NSRP1: variants seen among roughly 807,000 people sequenced by gnomAD.
NSRP1 encodes the protein coiled-coil domain containing 55.
In NSRP1, 24 loss-of-function variants were observed where a neutral mutation model predicts 54.7. The observed-to-expected ratio is 0.44, with a 90% CI of 0.32 to 0.62. The LOEUF is 0.62. Among genes scored for constraint, NSRP1 ranks in the 20% least tolerant of loss-of-function variants. The pLI, the probability that NSRP1 is intolerant of heterozygous loss-of-function variation, is 0.06. For missense variants in NSRP1, 596 were observed against 651.2 expected (o/e 0.92, Z 0.92); for synonymous variants, 210 against 213.8 (o/e 0.98, Z 0.15).
rs551535240 is a variant in NSRP1 at position 30,155,708 on chromosome 17, T to G, written c.115-16834T>G. ...CTACAGACGTACACCATCGTGTGGC[T>G]TTTTTCTTTTTTTAAGCATTTTACC... On this transcript the variant is annotated intron_variant, in intron 2 of 6. Coordinates refer to ENST00000247026, the MANE Select transcript of NSRP1 (RefSeq NM_032141.4). Among the ~76,000 whole-genome samples, 10 of 152,276 alleles carry G rather than the reference T, an allele frequency of 6.6e-5. 1 individual carries two copies. The South Asian group carries it at 2.1e-3, about 32-fold the overall frequency.
At chr17:30,141,109 C>T (rs879252780) in intron 2 of NSRP1, among the ~76,000 whole-genome samples, 1 of 152,222 alleles carries the variant, frequency 6.6e-6, no homozygotes, top group East Asian at 1.9e-4. Flanking sequence ...AGCCACCACA[C>T]CTGGCTAGAA....
At chr17:30,134,051 C>T (rs148684410) in intron 2 of NSRP1, among the ~76,000 whole-genome samples, 1 of 152,170 alleles carries the variant, frequency 6.6e-6, no homozygotes, top group African/African-American at 2.4e-5. Context: ...CTTTCTTTCA[C>T]TTGAACACTT....
Position 30,180,533 on chromosome 17 carries a change from C to T in NSRP1, c.509-375C>T, listed in dbSNP as rs549828688. Among the ~76,000 whole-genome samples, 13 of 152,248 alleles carry T rather than the reference C, an allele frequency of 8.5e-5. No homozygotes were observed. The East Asian group carries it at 1.9e-3, about 23-fold the overall frequency. ...TGTACTATGTGTTTAGAGTGCCAGT[C>T]GGCAAACTTTCTGTAAAGGACCAGA... On this transcript the variant is annotated intron_variant, in intron 5 of 6. Coordinates refer to ENST00000247026, the MANE Select transcript of NSRP1 (RefSeq NM_032141.4).
At chr17:30,126,140 A>AAGCAC (rs1482066761) in intron 2 of NSRP1, 3 of 152,136 alleles carry the variant, frequency 2.0e-5, no homozygotes, top group Non-Finnish European at 4.4e-5. Flanking sequence ...GATCTTCCTA[A>AAGCAC]AGCACAGTTA....
intron 2 of NSRP1, among the ~76,000 whole-genome samples, chr17:30,151,730 AAG>A (rs2071912095): frequency 6.6e-6 from 1 of 151,130 alleles, no homozygotes; most frequent in South Asian, 2.1e-4. Flanking sequence ...TGTATTGTTC[AAG>A]AGTCAGCTGT....
Position 30,172,570 on chromosome 17 carries a change from A to C in NSRP1, c.143A>C (p.Glu48Ala). The C allele has an allele frequency of 6.2e-7, 1 of 1,610,740 alleles. No homozygotes were observed. Among genetic ancestry groups the C allele is most frequent in the South Asian group, 1.1e-5 (1 of 90,698 alleles). The change falls in exon 3 of 7, where the codon GAA becomes GCA. Residue 48 changes from glutamate (E) to alanine (A), a missense_variant. By Grantham distance (107) the Glu-to-Ala change is moderately radical. Transcript: ENST00000247026. ...ETSVSESLQR[E>A]AAKKQAMKQT... ...TCTGTGAGTGAAAGCCTTCAGAGGG[A>C]AGCTGCTAAGAAGCAGGCCATGAAA...
chr17:30,127,829 CTTA>C (rs1245058924), intron 2 of NSRP1: 3 of 391,858 alleles, frequency 7.7e-6, no homozygotes, highest in East Asian at 3.6e-5. Flanking sequence ...ATTTACATTA[CTTA>C]TTATTTTTTT....
chr17:30,179,355 G>A (rs1905226693), intron 5 of NSRP1, 58 bp downstream of exon 5: 2 of 1,482,218 alleles, frequency 1.3e-6, no homozygotes, highest in Non-Finnish European at 8.9e-7. Context: ...CTCCCCTGTG[G>A]TTAGCTGTTT....
intron 2 of NSRP1, among the ~76,000 whole-genome samples, chr17:30,131,659 A>G (rs1054774986): frequency 1.3e-5 from 2 of 152,172 alleles, no homozygotes; most frequent in African/African-American, 2.4e-5. Flanking sequence ...TTTTGTCTCA[A>G]TGTTAATGGC....
intron 5 of NSRP1, 97 bp from the exon 6 acceptor site, chr17:30,180,811 T>A: frequency 1.4e-6 from 1 of 723,798 alleles, no homozygotes; most frequent in Non-Finnish European, 2.4e-6. Flanking sequence ...ATCCAGCGAG[T>A]AGTTTACACA....
Position 30,172,606 on chromosome 17 carries a change from A to G in NSRP1, c.171+8A>G. 2 of 1,608,470 alleles carry G rather than the reference A, an allele frequency of 1.2e-6. No individual in the cohort carries two copies. The highest frequency in any genetic ancestry group is 2.2e-5 in the South Asian group (2 of 90,486). On this transcript the variant is annotated splice_region_variant and intron_variant, in intron 3 of 6. Transcript: ENST00000247026. ...AAGCAGGCCATGAAACAGGTAAGGT[A>G]GAAGACTGGGATAAGTGCATTCAGT... is the stretch of plus-strand genomic sequence containing the variant.
At chr17:30,118,873 T>C (rs1189534134) in intron 2 of NSRP1, among the ~76,000 whole-genome samples, 1 of 151,824 alleles carries the variant, frequency 6.6e-6, no homozygotes, top group Non-Finnish European at 1.5e-5. Flanking sequence ...CTAATCTTCC[T>C]GAGTAGCTGG....
chr17:30,137,280 G>C lies in NSRP1; in HGVS notation c.114+19107G>C, dbSNP rs553164078. 2.0e-5 allele frequency among the ~76,000 whole-genome samples: 3 copies of C among 152,266 alleles called. No homozygotes were observed. In the East Asian group the frequency reaches 5.8e-4, roughly 29 times the overall value. ...CAACTATTCGGCAATCCTCTCTACTGAGTTTATCTCTATAATAGAGTCCTT... is the reference window on the plus strand; with the variant it reads ...CAACTATTCGGCAATCCTCTCTACTCAGTTTATCTCTATAATAGAGTCCTT... On this transcript the variant is annotated intron_variant, in intron 2 of 6. Coordinates refer to ENST00000247026, the MANE Select transcript of NSRP1 (RefSeq NM_032141.4).
At chr17:30,181,921 T>C (rs1385242368) in intron 6 of NSRP1, among the ~76,000 whole-genome samples, 1 of 151,990 alleles carries the variant, frequency 6.6e-6, no homozygotes, top group Non-Finnish European at 1.5e-5. Context: ...CTTTTTGTAT[T>C]TTTGTTGTGG....
intron 2 of NSRP1, among the ~76,000 whole-genome samples, chr17:30,126,574 T>C (rs2071651486): frequency 6.6e-6 from 1 of 152,238 alleles, no homozygotes; most frequent in Admixed American, 6.5e-5. Context: ...AGTTAGGATC[T>C]GGCCATCTAG....
At chr17:30,149,340 G>C (rs1182876627) in intron 2 of NSRP1, among the ~76,000 whole-genome samples, 1 of 152,142 alleles carries the variant, frequency 6.6e-6, no homozygotes, top group Non-Finnish European at 1.5e-5. Flanking sequence ...TTGAGCTACT[G>C]CACCTGGCTG....
chr17:30,158,040 A>T lies in NSRP1; in HGVS notation c.115-14502A>T, dbSNP rs570435252. Among the ~76,000 whole-genome samples, 4 of 152,136 alleles carry T rather than the reference A, an allele frequency of 2.6e-5. No individual in the cohort carries two copies. The South Asian group carries it at 8.3e-4, about 31-fold the overall frequency. On this transcript the variant is annotated intron_variant, in intron 2 of 6. Coordinates refer to ENST00000247026, the MANE Select transcript of NSRP1 (RefSeq NM_032141.4). ...TTGCTGGGTCTTAATGGTAGTTCTAATTTTACTTTTTGAGAAATCTCCATA... is the reference window on the plus strand; with the variant it reads ...TTGCTGGGTCTTAATGGTAGTTCTATTTTTACTTTTTGAGAAATCTCCATA...
intron 3 of NSRP1, among the ~76,000 whole-genome samples, chr17:30,173,236 T>G (rs1905019944): frequency 6.6e-6 from 1 of 152,204 alleles, no homozygotes; most frequent in Non-Finnish European, 1.5e-5. Context: ...AGTGCTGGGA[T>G]TACAGGCGTG....
chr17:30,135,813 C>T (rs925817882), intron 2 of NSRP1, among the ~76,000 whole-genome samples: 1 of 152,102 alleles, frequency 6.6e-6, no homozygotes, highest in African/African-American at 2.4e-5. Flanking sequence ...AGATACTGTG[C>T]ATCTCATGCC....
Sources: allele counts gnomAD v4.1 joint callset (sites outside exome capture counted in the v4.1 genomes callset), GRCh38; gene constraint gnomAD v4.1.1; transcripts MANE v1.5; gene names NCBI Gene and HGNC (gene_info 2026-07-23, HGNC 2026-07-21).